VAV2: variants seen among roughly 807,000 people sequenced by gnomAD.
VAV2 encodes guanine nucleotide exchange factor VAV2.
In VAV2, 67 loss-of-function variants were observed where a neutral mutation model predicts 132.5. That is an observed-to-expected ratio of 0.51 (90% CI 0.42 to 0.62). VAV2 has a LOEUF of 0.62. Among genes scored for constraint, VAV2 ranks in the 20% least tolerant of loss-of-function variants. The pLI, the probability that VAV2 is intolerant of heterozygous loss-of-function variation, is 0.00. For missense variants in VAV2, 938 were observed against 1,153.6 expected, an observed-to-expected ratio of 0.81 and a Z score of 2.71; for synonymous variants, 492 against 443.5, an observed-to-expected ratio of 1.11 and a Z score of -1.37.
At chr9:133,874,728 C>G (rs1284981513) in intron 2 of VAV2, among the ~76,000 whole-genome samples, 1 of 152,172 alleles carries the variant, frequency 6.6e-6, no homozygotes, top group Non-Finnish European at 1.5e-5. Flanking sequence ...GGACCCTTCC[C>G]TCTTCCCAGA....
intron 1 of VAV2, among the ~76,000 whole-genome samples, chr9:133,973,797 C>T (rs1842419193): frequency 6.6e-6 from 1 of 152,212 alleles, no homozygotes; most frequent in South Asian, 2.1e-4. Context: ...GAAAGGACAC[C>T]TGCGTGTCCC....
chr9:133,953,549 T>C (rs984199728), intron 1 of VAV2, among the ~76,000 whole-genome samples: 1 of 152,146 alleles, frequency 6.6e-6, no homozygotes, highest in Non-Finnish European at 1.5e-5. Flanking sequence ...CCAGGCTCAA[T>C]TCAGGGCTCT....
intron 2 of VAV2, among the ~76,000 whole-genome samples, chr9:133,906,788 C>T (rs967087274): frequency 1.3e-5 from 2 of 152,206 alleles, no homozygotes; most frequent in Non-Finnish European, 2.9e-5. Flanking sequence ...GGGGTCCCTG[C>T]GGAGCCAGGC....
At chr9:133,847,299 C>T (rs1836970543) in intron 3 of VAV2, among the ~76,000 whole-genome samples, 1 of 152,228 alleles carries the variant, frequency 6.6e-6, no homozygotes, top group Non-Finnish European at 1.5e-5. Flanking sequence ...CTCCAAATAG[C>T]AGAAAACCCA....
Position 133,949,871 on chromosome 9 carries a change from G to A in VAV2, c.205-10652C>T, listed in dbSNP as rs753251401. Among the ~76,000 whole-genome samples, 5 of 152,232 alleles carry A rather than the reference G, an allele frequency of 3.3e-5. No homozygotes were observed. In the South Asian group the frequency reaches 8.3e-4, roughly 25 times the overall value. Reference sequence around the variant, plus strand: ...GAGGCAGAACACCTGCCCCCGACCCGGGCGTCTCCTGCTGTTTAGGGGTTT... The same window carrying A: ...GAGGCAGAACACCTGCCCCCGACCCAGGCGTCTCCTGCTGTTTAGGGGTTT... On this transcript the variant is annotated intron_variant, in intron 1 of 29. Transcript: ENST00000371850.
At chr9:133,958,773 C>G (rs1176824545) in intron 1 of VAV2, among the ~76,000 whole-genome samples, 34 of 152,260 alleles carry the variant, frequency 2.2e-4, no homozygotes, top group Non-Finnish European at 1.5e-5. Context: ...CAGAGCACAG[C>G]TCCATCACCA....
chr9:133,970,393 C>A (rs1019868612), intron 1 of VAV2, among the ~76,000 whole-genome samples: 95 of 152,342 alleles, frequency 6.2e-4, no homozygotes, highest in African/African-American at 2.2e-3. Context: ...TGCTGGGAGC[C>A]AGGGACCTTG....
Position 133,798,255 on chromosome 9 carries a change from G to A in VAV2, c.837-446C>T, listed in dbSNP as rs115713232. Among the ~76,000 whole-genome samples the A allele has an allele frequency of 2.4e-3, 364 of 152,336 alleles. 1 individual carries two copies. Among genetic ancestry groups the A allele is most frequent in the African/African-American group, 8.4e-3 (348 of 41,582 alleles). ...CTGGCTCAGGGCTCACCCTCATGCT[G>A]TGCCAGGTGGGGAACCCCTAAGGGT... On this transcript the variant is annotated intron_variant, in intron 9 of 29. Transcript: ENST00000371850.
intron 2 of VAV2, among the ~76,000 whole-genome samples, chr9:133,904,296 C>T (rs10993852): frequency 0.015 from 2,235 of 152,316 alleles, 49 homozygotes; most frequent in African/African-American, 0.049. Flanking sequence ...TATTTCTAGA[C>T]GCTCTAAGAC....
intron 2 of VAV2, among the ~76,000 whole-genome samples, chr9:133,920,605 C>G (rs903923486): frequency 6.6e-6 from 1 of 152,148 alleles, no homozygotes; most frequent in Non-Finnish European, 1.5e-5. Flanking sequence ...CCCCAGGTGT[C>G]CCTCCCTCTG....
At chr9:133,906,700 C>T (rs897226769) in intron 2 of VAV2, among the ~76,000 whole-genome samples, 2 of 152,212 alleles carry the variant, frequency 1.3e-5, no homozygotes, top group East Asian at 3.9e-4. Flanking sequence ...CATGACCTCA[C>T]GCCGCAGAAC....
intron 3 of VAV2, among the ~76,000 whole-genome samples, chr9:133,836,065 G>C (rs543559989): frequency 9.8e-4 from 149 of 152,310 alleles, no homozygotes; most frequent in Middle Eastern, 3.4e-3. Context: ...TCACCATCAG[G>C]GCTCCGTTGC....
At chr9:133,972,803 A>C (rs1388082882) in intron 1 of VAV2, among the ~76,000 whole-genome samples, 1 of 152,056 alleles carries the variant, frequency 6.6e-6, no homozygotes, top group Non-Finnish European at 1.5e-5. Context: ...CACTTTACAG[A>C]TGAGGCAACC....
intron 2 of VAV2, among the ~76,000 whole-genome samples, chr9:133,875,448 C>T (rs2131916761): frequency 6.6e-6 from 1 of 152,322 alleles, no homozygotes; most frequent in Non-Finnish European, 1.5e-5. Flanking sequence ...GGGGGCCCCA[C>T]AGACAAAAGG....
chr9:133,917,404 G>C (rs1465841835), intron 2 of VAV2, among the ~76,000 whole-genome samples: 12 of 150,744 alleles, frequency 8.0e-5, no homozygotes, highest in Non-Finnish European at 7.4e-5. Context: ...TTAACAGAGA[G>C]CTGGGAACCC....
intron 2 of VAV2, among the ~76,000 whole-genome samples, chr9:133,888,525 T>C (rs1379783365): frequency 6.6e-6 from 1 of 152,122 alleles, no homozygotes; most frequent in Non-Finnish European, 1.5e-5. Context: ...CCCTGGGTCA[T>C]GGGGCAGTTT....
At chr9:133,890,121 C>G (rs953750616) in intron 2 of VAV2, among the ~76,000 whole-genome samples, 4 of 152,286 alleles carry the variant, frequency 2.6e-5, no homozygotes, top group Non-Finnish European at 5.9e-5. Context: ...GGAGTGGCAG[C>G]CAGGGCATGG....
intron 2 of VAV2, among the ~76,000 whole-genome samples, chr9:133,873,906 G>A (rs1490556582): frequency 2.0e-5 from 3 of 152,200 alleles, no homozygotes; most frequent in African/African-American, 7.2e-5. Context: ...GGAGCCTGAG[G>A]CTCGTCTCTC....
intron 4 of VAV2, among the ~76,000 whole-genome samples, chr9:133,832,875 C>T (rs1836317349): frequency 6.6e-6 from 1 of 152,082 alleles, no homozygotes. Context: ...TTGAAGTCTC[C>T]CTCAGATTCC....
Sources: allele counts gnomAD v4.1 joint callset (sites outside exome capture counted in the v4.1 genomes callset), GRCh38; gene constraint gnomAD v4.1.1; transcripts MANE v1.5; gene names NCBI Gene and HGNC (gene_info 2026-07-23, HGNC 2026-07-21).